TEX36: variants seen among roughly 807,000 people sequenced by gnomAD.
TEX36 encodes testis-expressed protein 36.
TEX36 carries 12 observed loss-of-function variants against 13.6 expected under a neutral mutation model. That is an observed-to-expected ratio of 0.88 (90% CI 0.56 to 1.43). The LOEUF (loss-of-function observed/expected upper bound fraction) is 1.43, where lower values mean the gene tolerates loss of function less well. TEX36 is among the 40% of genes most tolerant of loss of function. The pLI is 0.00. For synonymous variants in TEX36, 93 were observed against 83.0 expected (o/e 1.12, Z -0.65); for missense variants, 224 against 228.3 (o/e 0.98, Z 0.12).
At position 125,585,766 on chromosome 10, in the gene TEX36, C is replaced by T. The variant is rs572792150; in HGVS notation, c.265-8892G>A. 1.1e-3 allele frequency among the ~76,000 whole-genome samples: 174 copies of T among 152,350 alleles called. 2 individuals are homozygous for T. Among genetic ancestry groups the T allele is most frequent in the African/African-American group, 3.8e-3 (157 of 41,580 alleles). Reference sequence around the variant, plus strand: ...ACTATCCACTTCTTTCATCAGACTTCGCATCAAAATCCATAGTTTTCTCCA... The same window carrying T: ...ACTATCCACTTCTTTCATCAGACTTTGCATCAAAATCCATAGTTTTCTCCA... On this transcript the variant is annotated intron_variant, in intron 3 of 3. Coordinates refer to the TEX36 transcript ENST00000532135.
chr10:125,661,117 G>A lies in TEX36; in HGVS notation c.184-16C>T. The A allele has an allele frequency of 1.3e-6, 2 of 1,546,854 alleles. No homozygotes were observed. The highest frequency in any genetic ancestry group is 1.8e-6 in the Non-Finnish European group (2 of 1,142,502). On this transcript the variant is annotated splice_polypyrimidine_tract_variant and intron_variant, in intron 2 of 3. Transcript: ENST00000368821. ...TCACTGCTTGCTGGAAAAGTGGGAT[G>A]GAAGGGAAAGAGCACACATTAGAAC...
chr10:125,672,257 G>A (rs1386859003), intron 1 of TEX36, among the ~76,000 whole-genome samples: 1 of 152,140 alleles, frequency 6.6e-6, no homozygotes, highest in African/African-American at 2.4e-5. Flanking sequence ...GCTTTTTGAT[G>A]TGGGCATTTG....
chr10:125,640,973 C>G (rs1424991985), intron 3 of TEX36, among the ~76,000 whole-genome samples: 1 of 151,584 alleles, frequency 6.6e-6, no homozygotes, highest in Non-Finnish European at 1.5e-5. Context: ...CATCTCTCCC[C>G]CCTCCCCCGG....
At chr10:125,673,442 G>A (rs573722625) in intron 1 of TEX36, among the ~76,000 whole-genome samples, 2 of 152,254 alleles carry the variant, frequency 1.3e-5, no homozygotes, top group South Asian at 4.2e-4. Context: ...GCTGGGCACT[G>A]GCTTATGCCT....
chr10:125,595,976 A>C (rs545275421), intron 3 of TEX36, among the ~76,000 whole-genome samples: 1 of 152,386 alleles, frequency 6.6e-6, no homozygotes, highest in African/African-American at 2.4e-5. Context: ...AAAGAAAGAA[A>C]TCTCACTTAT....
intron 3 of TEX36, among the ~76,000 whole-genome samples, chr10:125,604,978 C>T (rs1846197913): frequency 2.0e-5 from 3 of 152,030 alleles, no homozygotes. Flanking sequence ...GTAATCATAA[C>T]AGAAATAAAG....
At chr10:125,662,930 A>G (rs1197277276) in intron 1 of TEX36, among the ~76,000 whole-genome samples, 1 of 152,188 alleles carries the variant, frequency 6.6e-6, no homozygotes, top group Non-Finnish European at 1.5e-5. Context: ...GTGCCTCTTA[A>G]AAGCCACCCC....
At chr10:125,637,406 G>T (rs1486672108) in intron 3 of TEX36, among the ~76,000 whole-genome samples, 2 of 151,920 alleles carry the variant, frequency 1.3e-5, no homozygotes, top group South Asian at 2.1e-4. Flanking sequence ...ATCACAGATT[G>T]CAGAGTTTCC....
At chr10:125,578,845 T>C (rs1420732696) in intron 3 of TEX36, among the ~76,000 whole-genome samples, 1 of 152,202 alleles carries the variant, frequency 6.6e-6, no homozygotes, top group Non-Finnish European at 1.5e-5. Flanking sequence ...GGCTTCTTGT[T>C]GCCCTGACAC....
At chr10:125,595,220 A>G (rs1475780501) in intron 3 of TEX36, among the ~76,000 whole-genome samples, 1 of 152,224 alleles carries the variant, frequency 6.6e-6, no homozygotes, top group African/African-American at 2.4e-5. Context: ...TGACCCAGTC[A>G]TCTTGACAGG....
intron 3 of TEX36, among the ~76,000 whole-genome samples, chr10:125,625,062 A>T (rs146410035): frequency 6.6e-6 from 1 of 152,340 alleles, no homozygotes; most frequent in Non-Finnish European, 1.5e-5. Flanking sequence ...GGCAAGGGCA[A>T]CACCTCTTCC....
At chr10:125,651,565 C>T (rs1237023906), downstream of TEX36, among the ~76,000 whole-genome samples, 2 of 152,112 alleles carry the variant, frequency 1.3e-5, no homozygotes, top group African/African-American at 2.4e-5. Flanking sequence ...AAACTGGAAG[C>T]GTTTCCTTTG....
At chr10:125,608,825 T>C (rs1846249921) in intron 3 of TEX36, among the ~76,000 whole-genome samples, 1 of 151,594 alleles carries the variant, frequency 6.6e-6, no homozygotes, top group South Asian at 2.1e-4. Context: ...AGGTAATACA[T>C]GCATGGAATA....
chr10:125,579,510 G>C (rs1196281911), intron 3 of TEX36, among the ~76,000 whole-genome samples: 1 of 152,200 alleles, frequency 6.6e-6, no homozygotes, highest in Non-Finnish European at 1.5e-5. Context: ...TTTGGGTGGG[G>C]ACACAGTCAA....
intron 3 of TEX36, among the ~76,000 whole-genome samples, chr10:125,592,360 T>G (rs778877166): frequency 6.6e-6 from 1 of 152,088 alleles, no homozygotes; most frequent in African/African-American, 2.4e-5. Flanking sequence ...CTGACCTCCG[T>G]GTAACGACTC....
chr10:125,651,335 G>A (rs1327100723), downstream of TEX36, among the ~76,000 whole-genome samples: 1 of 152,080 alleles, frequency 6.6e-6, no homozygotes, highest in East Asian at 1.9e-4. Flanking sequence ...TGCAAGGCTG[G>A]TTCAACATAT....
At position 125,584,301 on chromosome 10, in the gene TEX36, C is replaced by T. The variant is rs539075520; in HGVS notation, c.265-7427G>A. ...ACAAATAAAATGGATGTTGTTTGAA[C>T]GCACTAAGTTTTGGGGTGGCTTGTA... is the stretch of plus-strand genomic sequence containing the variant. On this transcript the variant is annotated intron_variant, in intron 3 of 3. Coordinates refer to the TEX36 transcript ENST00000532135. Among the ~76,000 whole-genome samples the T allele has an allele frequency of 1.6e-4, 24 of 152,318 alleles. No individual in the cohort carries two copies. The South Asian group carries it at 4.6e-3, about 29-fold the overall frequency.
exon 4 of TEX36, chr10:125,576,539 A>T: frequency 1.6e-6 from 1 of 616,466 alleles, no homozygotes. Context: ...TGCCAGGGAG[A>T]TAGCCCTATT....
At chr10:125,666,071 A>G (rs1046638000) in intron 1 of TEX36, among the ~76,000 whole-genome samples, 1 of 152,160 alleles carries the variant, frequency 6.6e-6, no homozygotes, top group African/African-American at 2.4e-5. Flanking sequence ...GAATATATTT[A>G]TCAGATCTAA....
Sources: gnomAD v4.1 joint callset for allele counts (sites outside exome capture counted in the v4.1 genomes callset) on GRCh38, gnomAD v4.1.1 for gene constraint, MANE v1.5 for transcripts, NCBI Gene and HGNC (gene_info 2026-07-23, HGNC 2026-07-21) for gene names.